The following SUSD4 variants were observed in gnomAD, a reference collection of about 807,000 sequenced individuals.
SUSD4 encodes the protein sushi domain-containing protein 4.
Under a neutral mutation model 50.5 loss-of-function variants are expected in SUSD4, and 41 were observed. The observed-to-expected ratio is 0.81, with a 90% CI of 0.63 to 1.05. The LOEUF is 1.05. Among genes scored for constraint, SUSD4 ranks in the 50% least tolerant of loss-of-function variants. SUSD4 has a pLI of 0.00. For missense variants in SUSD4, 580 were observed against 634.7 expected (o/e 0.91, Z 0.93); for synonymous variants, 257 against 257.3 (o/e 1.00, Z 0.01).
At chr1:223,321,215 A>G (rs1420067464) in intron 2 of SUSD4, among the ~76,000 whole-genome samples, 1 of 152,062 alleles carries the variant, frequency 6.6e-6, no homozygotes, top group Non-Finnish European at 1.5e-5. Flanking sequence ...CAGGTACCAG[A>G]CCTGAGGGCT....
intron 2 of SUSD4, among the ~76,000 whole-genome samples, chr1:223,343,909 G>A (rs746554054): frequency 3.9e-5 from 6 of 152,088 alleles, no homozygotes; most frequent in Non-Finnish European, 5.9e-5. Context: ...CACCAACAGA[G>A]TACGAGAACA....
At chr1:223,274,300 G>C (rs928750996) in intron 3 of SUSD4, among the ~76,000 whole-genome samples, 1 of 152,154 alleles carries the variant, frequency 6.6e-6, no homozygotes, top group Non-Finnish European at 1.5e-5. Context: ...AGAAAACGAG[G>C]GGCAAAAATC....
chr1:223,225,978 A>G (rs1325862020), intron 7 of SUSD4, among the ~76,000 whole-genome samples: 2 of 152,356 alleles, frequency 1.3e-5, no homozygotes, highest in Non-Finnish European at 2.9e-5. Flanking sequence ...ACTCAAGAAT[A>G]ATATAAGATG....
intron 2 of SUSD4, among the ~76,000 whole-genome samples, chr1:223,345,520 C>G (rs930680798): frequency 2.3e-4 from 35 of 152,192 alleles, no homozygotes; most frequent in Non-Finnish European, 2.8e-4. Context: ...TCCTGCATCC[C>G]TCAGGGGGAT....
rs770034282 is a variant in SUSD4 at position 223,222,186 on chromosome 1, C to A, written c.*6G>T. On this transcript the variant is annotated 3_prime_UTR_variant, in exon 9 of 9. Transcript: ENST00000366878. Reference sequence around the variant, plus strand: ...AGCAGGAGAGTCATCTGGATCTTGACCCATATTAGGGATCTTCTTCCATTA... The same window carrying A: ...AGCAGGAGAGTCATCTGGATCTTGAACCATATTAGGGATCTTCTTCCATTA... 6.2e-7 allele frequency: 1 copy of A among 1,613,476 alleles called. No individual in the cohort carries two copies. Among genetic ancestry groups the A allele is most frequent in the South Asian group, 1.1e-5 (1 of 90,954 alleles).
Position 223,283,372 on chromosome 1 carries a change from A to T in SUSD4, c.361+9067T>A, listed in dbSNP as rs569843694. On this transcript the variant is annotated intron_variant, in intron 3 of 8. Transcript: ENST00000366878. ...ATATCTAGAATCTACAAATAAATGAAACAAATTTACAAGAAAAAAACAAAC... is the reference window on the plus strand; with the variant it reads ...ATATCTAGAATCTACAAATAAATGATACAAATTTACAAGAAAAAAACAAAC... Among the ~76,000 whole-genome samples the T allele has an allele frequency of 3.7e-4, 56 of 152,332 alleles. 1 individual carries two copies. Among genetic ancestry groups the T allele is most frequent in the African/African-American group, 1.2e-3 (51 of 41,578 alleles).
At chr1:223,246,804 A>G (rs1660967641) in intron 5 of SUSD4, among the ~76,000 whole-genome samples, 1 of 152,220 alleles carries the variant, frequency 6.6e-6, no homozygotes, top group African/African-American at 2.4e-5. Flanking sequence ...TGTATCACTT[A>G]TCACAGTCCT....
Position 223,292,564 on chromosome 1 carries a change from G to A in SUSD4, c.236C>T (p.Ser79Phe). ...GTCTTGGCAGTGAAATCGGGCTACA[G>A]AGCCTTCAAAGAAAACCCCTCCGCT... ...TPSGGVFFEGSVARFHCQDGF... is the reference protein window; with the variant it reads ...TPSGGVFFEGFVARFHCQDGF... Residue 79 changes from serine to phenylalanine, a missense_variant, in exon 3 of 9, where the codon TCT becomes TTT. By Grantham distance (155) the Ser-to-Phe change is radical (BLOSUM62 -2). Coordinates refer to ENST00000366878, the MANE Select transcript of SUSD4 (RefSeq NM_017982.4). 1.2e-6 allele frequency: 2 copies of A among 1,614,158 alleles called. No homozygotes were observed. The highest frequency in any genetic ancestry group is 2.2e-5 in the East Asian group (1 of 44,880).
At chr1:223,335,679 T>C (rs1667415202) in intron 2 of SUSD4, among the ~76,000 whole-genome samples, 1 of 152,142 alleles carries the variant, frequency 6.6e-6, no homozygotes, top group South Asian at 2.1e-4. Flanking sequence ...GCTCCATTGA[T>C]TTAGGGCATA....
chr1:223,268,854 G>A (rs981276952), intron 3 of SUSD4, among the ~76,000 whole-genome samples, 179 bp from the exon 4 acceptor site: 2 of 152,260 alleles, frequency 1.3e-5, no homozygotes, highest in African/African-American at 2.4e-5. Flanking sequence ...GTGGCTTCAC[G>A]GGAGTAACGA....
intron 2 of SUSD4, among the ~76,000 whole-genome samples, chr1:223,315,528 A>G (rs900625278): frequency 3.3e-5 from 5 of 152,172 alleles, no homozygotes; most frequent in African/African-American, 1.2e-4. Flanking sequence ...GGCCCGCCAA[A>G]CTATCGTTGA....
chr1:223,349,527 C>T (rs1668237975), intron 2 of SUSD4, among the ~76,000 whole-genome samples: 1 of 152,202 alleles, frequency 6.6e-6, no homozygotes, highest in Admixed American at 6.5e-5. Flanking sequence ...CAGATCATCT[C>T]TGGACTCCAT....
chr1:223,327,715 GC>G (rs1650930372), intron 2 of SUSD4, among the ~76,000 whole-genome samples: 1 of 152,156 alleles, frequency 6.6e-6, no homozygotes, highest in Admixed American at 6.5e-5. Context: ...CCAGGTCAGG[GC>G]CCCGGCATGG....
chr1:223,262,235 C>T (rs1030298881), intron 5 of SUSD4, among the ~76,000 whole-genome samples: 1 of 152,204 alleles, frequency 6.6e-6, no homozygotes, highest in Non-Finnish European at 1.5e-5. Context: ...AAGAGAAAGA[C>T]TTCCACAGCA....
intron 5 of SUSD4, among the ~76,000 whole-genome samples, chr1:223,240,875 G>A (rs190563962): frequency 3.9e-5 from 6 of 152,318 alleles, no homozygotes; most frequent in Admixed American, 3.9e-4. Flanking sequence ...TGGACAAGGT[G>A]TACCAGGTAA....
intron 5 of SUSD4, among the ~76,000 whole-genome samples, chr1:223,259,958 T>C (rs1244216691): frequency 1.3e-5 from 2 of 152,162 alleles, no homozygotes; most frequent in African/African-American, 4.8e-5. Flanking sequence ...AGGAGTGAGA[T>C]GTTCAGAACT....
At chr1:223,362,830 G>A (rs1669062570) in intron 2 of SUSD4, among the ~76,000 whole-genome samples, 1 of 152,030 alleles carries the variant, frequency 6.6e-6, no homozygotes, top group Non-Finnish European at 1.5e-5. Flanking sequence ...ATTCTCAAAG[G>A]TGGTTCTTAA....
intron 5 of SUSD4, chr1:223,235,169 A>C: frequency 3.4e-6 from 5 of 1,459,794 alleles, no homozygotes; most frequent in Non-Finnish European, 4.6e-6. Context: ...AAAAAACCTA[A>C]AGCCCTTTTC....
At chr1:223,301,992 G>A (rs1417101482) in intron 2 of SUSD4, among the ~76,000 whole-genome samples, 2 of 152,176 alleles carry the variant, frequency 1.3e-5, no homozygotes, top group Non-Finnish European at 2.9e-5. Flanking sequence ...AATCTCCAGT[G>A]TTAGAGGTGG....
Sources: gnomAD v4.1 joint callset for allele counts (sites outside exome capture counted in the v4.1 genomes callset) on GRCh38, gnomAD v4.1.1 for gene constraint, MANE v1.5 for transcripts, NCBI Gene and HGNC (gene_info 2026-07-23, HGNC 2026-07-21) for gene names.